The following FGD5 variants were observed in gnomAD, a reference collection of about 807,000 sequenced individuals.
FGD5 encodes the protein FYVE, RhoGEF and PH domain containing 5.
FGD5 carries 28 observed loss-of-function variants against 133.4 expected under a neutral mutation model. The observed-to-expected ratio is 0.21, with a 90% CI of 0.16 to 0.29. The LOEUF (loss-of-function observed/expected upper bound fraction) is 0.29, where lower values mean the gene tolerates loss of function less well. Among genes scored for constraint, FGD5 ranks in the 10% least tolerant of loss-of-function variants. The pLI is 1.00. For missense variants in FGD5, 1,858 were observed against 1,895.2 expected (o/e 0.98, Z 0.36); for synonymous variants, 810 against 776.5 (o/e 1.04, Z -0.72).
intron 4 of FGD5, among the ~76,000 whole-genome samples, chr3:14,885,144 C>G (rs546581317): frequency 7.4e-4 from 112 of 151,802 alleles, no homozygotes; most frequent in African/African-American, 2.6e-3. Context: ...CCACGTTCGC[C>G]CCCTTTGTTC....
At chr3:14,867,072 T>G (rs1457843914) in intron 2 of FGD5, among the ~76,000 whole-genome samples, 1 of 152,220 alleles carries the variant, frequency 6.6e-6, no homozygotes, top group African/African-American at 2.4e-5. Context: ...ATACCAGAAT[T>G]GAAGTCAAAA....
At chr3:14,828,608 A>G (rs1208464940) in intron 1 of FGD5, among the ~76,000 whole-genome samples, 1 of 152,132 alleles carries the variant, frequency 6.6e-6, no homozygotes, top group African/African-American at 2.4e-5. Context: ...TTCCCGGAGT[A>G]TCTGCTGGTT....
At chr3:14,879,732 C>T (rs149284545) in intron 2 of FGD5, among the ~76,000 whole-genome samples, 20 of 152,196 alleles carry the variant, frequency 1.3e-4, no homozygotes, top group African/African-American at 1.9e-4. Context: ...TGCTCAGAAA[C>T]GATACCTAGC....
chr3:14,876,050 C>T (rs2037713639), intron 2 of FGD5, among the ~76,000 whole-genome samples: 1 of 152,170 alleles, frequency 6.6e-6, no homozygotes, highest in Admixed American at 6.5e-5. Flanking sequence ...ACCCAGGAGG[C>T]CTGTACGCAG....
chr3:14,907,589 C>T lies in FGD5; in HGVS notation c.3265-51C>T, dbSNP rs377288916. On this transcript the variant is annotated intron_variant, in intron 9 of 19. Coordinates refer to ENST00000285046, the MANE Select transcript of FGD5 (RefSeq NM_152536.4). Reference sequence around the variant, plus strand: ...GCCATGCCTTACAGAGGAGATAAGACGCCTGGTAGGGGCCCTGACCATCTC... The same window carrying T: ...GCCATGCCTTACAGAGGAGATAAGATGCCTGGTAGGGGCCCTGACCATCTC... 858 of 1,551,096 alleles carry T rather than the reference C, an allele frequency of 5.5e-4. 4 individuals carry two copies. Among genetic ancestry groups the T allele is most frequent in the Non-Finnish European group, 6.4e-4 (725 of 1,129,632 alleles).
At chr3:14,927,855 CTGGACTCA>C (rs1404856203) in intron 18 of FGD5, among the ~76,000 whole-genome samples, 1 of 152,022 alleles carries the variant, frequency 6.6e-6, no homozygotes, top group East Asian at 1.9e-4. Flanking sequence ...CTTTGAACTC[CTGGACTCA>C]AGCCATCCCC....
intron 17 of FGD5, among the ~76,000 whole-genome samples, chr3:14,924,426 CG>C (rs2038752690): frequency 6.6e-6 from 1 of 152,130 alleles, no homozygotes; most frequent in Admixed American, 6.5e-5. Context: ...GCACAGATCA[CG>C]GGGGCTCTTC....
chr3:14,872,815 G>A (rs1388593680), intron 2 of FGD5, among the ~76,000 whole-genome samples: 1 of 152,214 alleles, frequency 6.6e-6, no homozygotes, highest in African/African-American at 2.4e-5. Context: ...CTCTTGTCCA[G>A]TCAATCCAAT....
chr3:14,909,055 G>A (rs549772294), intron 10 of FGD5, among the ~76,000 whole-genome samples: 4 of 151,294 alleles, frequency 2.6e-5, no homozygotes, highest in South Asian at 2.1e-4. Context: ...TGCAACCTCC[G>A]CCTCCCCGGT....
intron 1 of FGD5, among the ~76,000 whole-genome samples, chr3:14,858,411 A>G (rs1010613579): frequency 6.6e-5 from 10 of 151,998 alleles, no homozygotes; most frequent in Non-Finnish European, 1.5e-4. Context: ...AGATGAATAG[A>G]TAGATGGGTG....
At position 14,892,761 on chromosome 3, in the gene FGD5, G is replaced by A. The variant is rs551473646; in HGVS notation, c.2749-4748G>A. ...TTGGACCTGGGAGGCAGAGGTTGCC[G>A]TGAGCCAAGATCATGCCATTGCACT... On this transcript the variant is annotated intron_variant, in intron 4 of 19. Coordinates refer to ENST00000285046, the MANE Select transcript of FGD5 (RefSeq NM_152536.4). Among the ~76,000 whole-genome samples the A allele has an allele frequency of 1.8e-4, 27 of 152,088 alleles. 1 individual carries two copies. In the South Asian group the frequency reaches 1.9e-3, roughly 11 times the overall value.
chr3:14,933,380 T>C lies in FGD5; in HGVS notation c.*213T>C. 1 of 591,484 alleles carries C rather than the reference T, an allele frequency of 1.7e-6. No homozygotes were observed. Among genetic ancestry groups the C allele is most frequent in the Non-Finnish European group, 3.0e-6 (1 of 330,038 alleles). 36.6% of individuals were successfully genotyped at this position (591,484 alleles called of 1,614,324 possible). ...GGATATTTATGGACCTCTCCTTTTC[T>C]GTGTTTTCCACCCCTACCCCCACCC... On this transcript the variant is annotated 3_prime_UTR_variant, in exon 20 of 20. Coordinates refer to ENST00000285046, the MANE Select transcript of FGD5 (RefSeq NM_152536.4).
intron 4 of FGD5, among the ~76,000 whole-genome samples, chr3:14,889,911 T>C (rs2037993542): frequency 6.6e-6 from 1 of 152,230 alleles, no homozygotes; most frequent in Non-Finnish European, 1.5e-5. Context: ...AGAAGCTCTT[T>C]AAGTATTCTG....
Position 14,912,627 on chromosome 3 carries a change from T to C in FGD5, c.3405+1698T>C, listed in dbSNP as rs138126388. Among the ~76,000 whole-genome samples, 98 of 152,042 alleles carry C rather than the reference T, an allele frequency of 6.4e-4. 2 individuals are homozygous for C. The East Asian group carries it at 0.017, about 27-fold the overall frequency. On this transcript the variant is annotated intron_variant, in intron 11 of 19. Transcript: ENST00000285046. ...CATTCATTCTGCAGCTTATTATCCA[T>C]CTCCTCTGCATGCCAGGAACTGTGC...
intron 4 of FGD5, among the ~76,000 whole-genome samples, chr3:14,888,444 A>G (rs2037965476): frequency 6.6e-6 from 1 of 152,238 alleles, no homozygotes; most frequent in Non-Finnish European, 1.5e-5. Flanking sequence ...GCTGTGCAGT[A>G]GGTGCCCAGG....
chr3:14,923,889 G>A, intron 16 of FGD5, 119 bp from the exon 17 acceptor site: 1 of 1,264,294 alleles, frequency 7.9e-7, no homozygotes, highest in Admixed American at 2.1e-5. Context: ...TTGACTTTCA[G>A]GTCCCACTTA....
At position 14,880,164 on chromosome 3, in the gene FGD5, T is replaced by A. The variant is rs1426398389; in HGVS notation, c.2659-408T>A. ...GAGTTCAAGACCAGCCTTGAACTGGTCAATGTAATGAGACCCTGTCTCTAC... is the reference window on the plus strand; with the variant it reads ...GAGTTCAAGACCAGCCTTGAACTGGACAATGTAATGAGACCCTGTCTCTAC... On this transcript the variant is annotated intron_variant, in intron 2 of 19. Coordinates refer to ENST00000285046, the MANE Select transcript of FGD5 (RefSeq NM_152536.4). 3.9e-5 allele frequency among the ~76,000 whole-genome samples: 6 copies of A among 152,150 alleles called. No individual in the cohort carries two copies. The East Asian group carries it at 1.2e-3, about 29-fold the overall frequency.
chr3:14,905,239 C>A (rs1174971539), intron 9 of FGD5, among the ~76,000 whole-genome samples: 1 of 152,176 alleles, frequency 6.6e-6, no homozygotes, highest in Non-Finnish European at 1.5e-5. Context: ...GGAAAGTCTG[C>A]TGTGATACTC....
intron 1 of FGD5, among the ~76,000 whole-genome samples, chr3:14,852,633 C>T (rs4685218): frequency 0.099 from 15,009 of 152,258 alleles, 782 homozygotes; most frequent in African/African-American, 0.13. Flanking sequence ...TCTGAAACCA[C>T]TGATGCTGCT....
Sources: gnomAD v4.1 joint callset for allele counts (sites outside exome capture counted in the v4.1 genomes callset) on GRCh38, gnomAD v4.1.1 for gene constraint, MANE v1.5 for transcripts, NCBI Gene and HGNC (gene_info 2026-07-23, HGNC 2026-07-21) for gene names.